The following PLA2G4A variants were observed in gnomAD, a reference collection of about 807,000 sequenced individuals.
PLA2G4A encodes the protein phospholipase A2 group IVA.
In PLA2G4A, 40 loss-of-function variants were observed where a neutral mutation model predicts 81.9. The observed-to-expected ratio is 0.49, with a 90% confidence interval of 0.38 to 0.64. PLA2G4A has a LOEUF of 0.64. PLA2G4A is among the 30% of genes least tolerant of loss of function. PLA2G4A has a pLI of 0.00. For missense variants in PLA2G4A, 715 were observed against 905.1 expected (o/e 0.79, Z 2.69); for synonymous variants, 302 against 296.9 (o/e 1.02, Z -0.18).
chr1:186,959,064 A>G (rs530372105), intron 14 of PLA2G4A, among the ~76,000 whole-genome samples: 225 of 152,214 alleles, frequency 1.5e-3, no homozygotes, highest in African/African-American at 5.0e-3. Flanking sequence ...ACTATTTTAG[A>G]AAGTTTCAGT....
chr1:186,957,578 G>T, intron 14 of PLA2G4A, among the ~76,000 whole-genome samples: 1 of 152,200 alleles, frequency 6.6e-6, no homozygotes, highest in African/African-American at 2.4e-5. Context: ...CACATTCTTA[G>T]CCTGACTCCC....
chr1:186,965,351 GA>G, intron 14 of PLA2G4A, 57 bp from the exon 15 acceptor site: 1 of 1,266,074 alleles, frequency 7.9e-7, no homozygotes, highest in Non-Finnish European at 1.1e-6. Context: ...ATTTTTAGAT[GA>G]TAAATACTGA....
At chr1:186,850,885 A>G (rs1652348778) in intron 1 of PLA2G4A, among the ~76,000 whole-genome samples, 1 of 152,054 alleles carries the variant, frequency 6.6e-6, no homozygotes, top group Non-Finnish European at 1.5e-5. Context: ...TTAAGTGGCA[A>G]ATATATAAAA....
chr1:186,877,187 G>A (rs1653531980), intron 3 of PLA2G4A, among the ~76,000 whole-genome samples: 2 of 152,018 alleles, frequency 1.3e-5, no homozygotes, highest in South Asian at 4.1e-4. Flanking sequence ...AAGATGGAGA[G>A]GGCAGACTAC....
intron 10 of PLA2G4A, among the ~76,000 whole-genome samples, chr1:186,942,169 G>A (rs1294710279): frequency 1.3e-5 from 2 of 152,052 alleles, no homozygotes; most frequent in African/African-American, 4.8e-5. Flanking sequence ...ACACATCTTG[G>A]GCTATAATGG....
At chr1:186,935,928 T>C (rs181278402) in intron 8 of PLA2G4A, among the ~76,000 whole-genome samples, 1 of 152,078 alleles carries the variant, frequency 6.6e-6, no homozygotes, top group Non-Finnish European at 1.5e-5. Context: ...ACCTTTATGG[T>C]AATTACTTCT....
intron 17 of PLA2G4A, among the ~76,000 whole-genome samples, chr1:186,983,674 T>C (rs1345147399): frequency 6.6e-6 from 1 of 151,556 alleles, no homozygotes; most frequent in Non-Finnish European, 1.5e-5. Context: ...TCAATGCTTG[T>C]ACAATTACAG....
chr1:186,977,862 C>T, intron 16 of PLA2G4A, 74 bp downstream of exon 16: 5 of 938,238 alleles, frequency 5.3e-6, no homozygotes, highest in Non-Finnish European at 7.1e-6. Flanking sequence ...AACTGTTTCA[C>T]TCTGTCACTG....
chr1:186,829,585 G>C (rs764797741), intron 1 of PLA2G4A, among the ~76,000 whole-genome samples: 4 of 152,002 alleles, frequency 2.6e-5, no homozygotes, highest in Non-Finnish European at 4.4e-5. Context: ...AAACGGACTG[G>C]TGTTCTGATG....
At position 186,852,197 on chromosome 1, in the gene PLA2G4A, A is replaced by G. The variant is rs1013866078; in HGVS notation, c.-69-2089A>G. Among the ~76,000 whole-genome samples the G allele has an allele frequency of 3.3e-5, 5 of 152,146 alleles. No homozygotes were observed. The South Asian group carries it at 1.0e-3, about 32-fold the overall frequency. On this transcript the variant is annotated intron_variant, in intron 1 of 17. Coordinates refer to ENST00000367466, the MANE Select transcript of PLA2G4A (RefSeq NM_024420.3). ...AAAAACCTGCCTTCATAGAATTTAT[A>G]TTCTAATGAAGAAGGGAGAAGAGAT...
At chr1:186,854,120 C>T (rs1417760217) in intron 1 of PLA2G4A, among the ~76,000 whole-genome samples, 166 bp from the exon 2 acceptor site, 2 of 151,740 alleles carry the variant, frequency 1.3e-5, no homozygotes, top group African/African-American at 4.8e-5. Flanking sequence ...ACATGTTTAC[C>T]TTTTCTCTAA....
chr1:186,854,190 T>C (rs919075912), intron 1 of PLA2G4A, 96 bp from the exon 2 acceptor site: 2 of 589,864 alleles, frequency 3.4e-6, no homozygotes, highest in Admixed American at 5.9e-5. Context: ...TGTCCTTGGG[T>C]AGACTTTTTC....
chr1:186,911,369 G>A lies in PLA2G4A; in HGVS notation c.538G>A (p.Gly180Arg). Reference protein sequence around the residue: ...KKLLGPKNSEGLHSARDVPVV... With the variant: ...KKLLGPKNSERLHSARDVPVV... Reference sequence around the variant, plus strand: ...ACTCTTGGGTCCAAAGAATAGTGAAGGATTGCATTCTGCACGTGATGTGAG... The same window carrying A: ...ACTCTTGGGTCCAAAGAATAGTGAAAGATTGCATTCTGCACGTGATGTGAG... The change falls in exon 7 of 18, where the codon GGA becomes AGA. Residue 180 changes from glycine to arginine, a missense_variant. Gly to Arg is a moderately radical substitution (Grantham distance 125). Coordinates refer to ENST00000367466, the MANE Select transcript of PLA2G4A (RefSeq NM_024420.3). The A allele has an allele frequency of 6.2e-7, 1 of 1,611,032 alleles. No homozygotes were observed. Among genetic ancestry groups the A allele is most frequent in the Non-Finnish European group, 8.5e-7 (1 of 1,177,156 alleles).
chr1:186,947,293 A>G (rs967295403), intron 12 of PLA2G4A, among the ~76,000 whole-genome samples: 1 of 152,120 alleles, frequency 6.6e-6, no homozygotes, highest in African/African-American at 2.4e-5. Context: ...AGCTTTTTAA[A>G]GATTAGATTC....
chr1:186,949,832 G>C (rs1384232954), intron 12 of PLA2G4A, among the ~76,000 whole-genome samples: 1 of 149,690 alleles, frequency 6.7e-6, no homozygotes, highest in Non-Finnish European at 1.5e-5. Context: ...GACCAGCCTA[G>C]GCAATAGAGT....
chr1:186,911,763 TGAG>T (rs1200897387), intron 7 of PLA2G4A, among the ~76,000 whole-genome samples: 7 of 152,018 alleles, frequency 4.6e-5, no homozygotes, highest in Admixed American at 3.9e-4. Context: ...ACAGTAGATA[TGAG>T]GAGATTTATT....
chr1:186,870,625 G>A lies in PLA2G4A; in HGVS notation c.115+109G>A, dbSNP rs1653226559. On this transcript the variant is annotated intron_variant, in intron 3 of 17. Transcript: ENST00000367466. ...TTCTGCCTTCTTCAAATGTGGTTAT[G>A]TTTGTCTAGATCTTTGAATGATAAC... The A allele has an allele frequency of 3.4e-6, 4 of 1,188,852 alleles. No individual in the cohort carries two copies. In the African/African-American group the frequency reaches 4.6e-5, roughly 14 times the overall value. 73.6% of individuals were successfully genotyped at this position (1,188,852 alleles called of 1,614,324 possible). A position where few individuals can be genotyped will look rare whatever the true frequency, so the allele number is the denominator to read the frequency against.
intron 7 of PLA2G4A, among the ~76,000 whole-genome samples, chr1:186,918,948 A>ACCCTGGTC (rs1042037989): frequency 1.8e-4 from 28 of 152,192 alleles, no homozygotes; most frequent in African/African-American, 6.5e-4. Context: ...GGGTCCTTAG[A>ACCCTGGTC]CATAGTGGCC....
At chr1:186,984,167 G>A (rs1657817878) in intron 17 of PLA2G4A, among the ~76,000 whole-genome samples, 1 of 151,960 alleles carries the variant, frequency 6.6e-6, no homozygotes, top group Admixed American at 6.6e-5. Flanking sequence ...GACTTACTGT[G>A]GGTAGCAAGT....
Sources: gnomAD v4.1 joint callset for allele counts (sites outside exome capture counted in the v4.1 genomes callset) on GRCh38, gnomAD v4.1.1 for gene constraint, MANE v1.5 for transcripts, NCBI Gene and HGNC (gene_info 2026-07-23, HGNC 2026-07-21) for gene names.